The following NBPF3 variants were observed in gnomAD, a reference collection of about 807,000 sequenced individuals.
The protein encoded by NBPF3 is NBPF family member NBPF3.
Under a neutral mutation model 78.1 loss-of-function variants are expected in NBPF3, and 57 were observed. The ratio of observed to expected loss-of-function variants is 0.73; its 90% CI spans 0.59 to 0.91. The LOEUF (loss-of-function observed/expected upper bound fraction) is 0.91. Ranked by LOEUF, NBPF3 falls within the 40% of genes least tolerant of loss-of-function variation. The pLI is 0.00. For synonymous variants in NBPF3, 182 were observed against 271.7 expected, an observed-to-expected ratio of 0.67 and a Z score of 3.25; for missense variants, 510 against 715.3, an observed-to-expected ratio of 0.71 and a Z score of 3.27.
intron 1 of NBPF3, among the ~76,000 whole-genome samples, chr1:21,443,775 GGCTA>G (rs1640804070): frequency 6.6e-6 from 1 of 152,028 alleles, no homozygotes; most frequent in Non-Finnish European, 1.5e-5. Context: ...CACTATGCCT[GGCTA>G]ATTTTCTCCT....
rs560737513 is a variant in NBPF3, at chr1:21,448,099, T to C, written c.133+2880T>C. Among the ~76,000 whole-genome samples the C allele has an allele frequency of 9.8e-5, 15 of 152,320 alleles. No homozygotes were observed. In the South Asian group the frequency reaches 1.7e-3, roughly 17 times the overall value. ...TCTGTGACTTGCTTTTTCCATTCTC[T>C]TGACAGTGTCTTTCACAGAGCAGAA... is the stretch of plus-strand genomic sequence containing the variant. On this transcript the variant is annotated intron_variant, in intron 2 of 14. Transcript: ENST00000318249.
intron 5 of NBPF3, among the ~76,000 whole-genome samples, chr1:21,472,454 G>A (rs1642653269): frequency 6.6e-6 from 1 of 152,206 alleles, no homozygotes; most frequent in African/African-American, 2.4e-5. Flanking sequence ...GGACTGTAGG[G>A]CAAGTTTGTC....
At position 21,470,748 on chromosome 1, in the gene NBPF3, C is replaced by A; in HGVS notation, c.446+14C>A. On this transcript the variant is annotated intron_variant, in intron 4 of 14. Transcript: ENST00000318249. The stretch of plus-strand genomic sequence containing the variant: ...TGAGGAGCTCAGGTGAGTGGGCCCC[C>A]TGGGGTCAGGCAGGTGGGCAGGTGT... 6.3e-7 allele frequency: 1 copy of A among 1,578,580 alleles called. No individual in the cohort carries two copies. The highest frequency in any genetic ancestry group is 8.7e-7 in the Non-Finnish European group (1 of 1,153,520).
chr1:21,465,983 C>G (rs1214158605), intron 2 of NBPF3: 2 of 307,086 alleles, frequency 6.5e-6, no homozygotes, highest in African/African-American at 4.5e-5. Context: ...TTTAGGACAC[C>G]ACTGGAATAT....
Position 21,483,529 on chromosome 1 carries a change from A to T in NBPF3, c.*143A>T, listed in dbSNP as rs200969812. On this transcript the variant is annotated 3_prime_UTR_variant, in exon 15 of 15. Coordinates refer to ENST00000318249, the MANE Select transcript of NBPF3 (RefSeq NM_032264.6). ...ATGGCTCTATTCCTATTCTCAGACC[A>T]TGCCAGTGGCCACCTGTGCTCAGTC... 98,488 of 233,656 alleles carry T rather than the reference A, an allele frequency of 0.42. 33,395 individuals are homozygous for T. The highest frequency in any genetic ancestry group is 0.81 in the South Asian group (18,170 of 22,398). 14.5% of individuals were successfully genotyped at this position (233,656 alleles called of 1,614,324 possible).
At chr1:21,454,375 G>A (rs1391447265) in intron 2 of NBPF3, 1 of 152,158 alleles carries the variant, frequency 6.6e-6, no homozygotes, top group Non-Finnish European at 1.5e-5. Flanking sequence ...CAGTATAGGG[G>A]GAATTTATAA....
At chr1:21,469,982 T>G (rs1012932865) in intron 3 of NBPF3, among the ~76,000 whole-genome samples, 1 of 151,264 alleles carries the variant, frequency 6.6e-6, no homozygotes, top group African/African-American at 2.4e-5. Context: ...CATGAGCTGT[T>G]TCTTGTCAAT....
chr1:21,451,598 G>C (rs1179637713), intron 2 of NBPF3, among the ~76,000 whole-genome samples: 1 of 152,208 alleles, frequency 6.6e-6, no homozygotes, highest in Non-Finnish European at 1.5e-5. Context: ...ATTCAGGAAG[G>C]AGGTTAATCA....
intron 2 of NBPF3, among the ~76,000 whole-genome samples, chr1:21,467,497 C>T (rs995893779): frequency 1.4e-4 from 22 of 152,160 alleles, no homozygotes; most frequent in Admixed American, 9.2e-4. Context: ...ACCAACCAAC[C>T]GTGACCATAA....
intron 1 of NBPF3, among the ~76,000 whole-genome samples, chr1:21,440,612 G>A (rs1640580700): frequency 6.6e-6 from 1 of 152,286 alleles, no homozygotes; most frequent in African/African-American, 2.4e-5. Flanking sequence ...GGGGGTGGAG[G>A]GACGGAGCAG....
chr1:21,450,849 C>T (rs1457170849), intron 2 of NBPF3, among the ~76,000 whole-genome samples: 3 of 152,144 alleles, frequency 2.0e-5, no homozygotes, highest in Non-Finnish European at 2.9e-5. Context: ...CTGCCCCTAA[C>T]GTGAAATGAC....
chr1:21,479,551 G>A (rs1643068376), intron 10 of NBPF3, 151 bp downstream of exon 10: 3 of 763,096 alleles, frequency 3.9e-6, no homozygotes, highest in Non-Finnish European at 6.9e-6. Flanking sequence ...TCTCATTACA[G>A]TAAATGTTTA....
chr1:21,470,480 G>T, intron 3 of NBPF3, 152 bp from the exon 4 acceptor site: 1 of 516,694 alleles, frequency 1.9e-6, no homozygotes, highest in Non-Finnish European at 3.6e-6. Flanking sequence ...TAAGTCGGGA[G>T]ACTGAAGAGT....
intron 2 of NBPF3, among the ~76,000 whole-genome samples, chr1:21,454,964 C>G (rs923644904): frequency 7.9e-5 from 12 of 152,200 alleles, no homozygotes; most frequent in Non-Finnish European, 1.8e-4. Context: ...GAAGAACATC[C>G]TCTCAAGTTT....
At position 21,478,189 on chromosome 1, in the gene NBPF3, G is replaced by C. The variant is rs1451802599; in HGVS notation, c.1038G>C (p.Trp346Cys). 3.1e-6 allele frequency: 5 copies of C among 1,614,000 alleles called. No homozygotes were observed. In the African/African-American group the frequency reaches 6.7e-5, roughly 22 times the overall value. ...SEEEEAPQES[W>C]DEGDWTLSIP... ...AGGAGGAAGCCCCCCAGGAGTCCTGGGATGAAGGTGATTGGACTCTCTCAA... is the reference window on the plus strand; with the variant it reads ...AGGAGGAAGCCCCCCAGGAGTCCTGCGATGAAGGTGATTGGACTCTCTCAA... The change falls in exon 9 of 15, where the codon TGG becomes TGC. Residue 346 changes from tryptophan to cysteine, a missense_variant. Physicochemically the swap from Trp to Cys is radical, Grantham distance 215. This residue lies in a region of NBPF3 where 440 missense variants were observed against 478.2 expected (regional missense o/e 0.92). Transcript: ENST00000318249.
intron 8 of NBPF3, 92 bp downstream of exon 8, chr1:21,475,043 T>C: frequency 9.1e-7 from 1 of 1,099,406 alleles, no homozygotes; most frequent in Non-Finnish European, 1.4e-6. Context: ...ATAGAACTTT[T>C]TATTCCATTC....
intron 2 of NBPF3, among the ~76,000 whole-genome samples, chr1:21,458,774 CA>C (rs1377886313): frequency 6.6e-6 from 1 of 152,170 alleles, no homozygotes; most frequent in Non-Finnish European, 1.5e-5. Context: ...TGATGAACTG[CA>C]AAGGGGTACA....
intron 2 of NBPF3, among the ~76,000 whole-genome samples, chr1:21,459,053 A>G (rs752028537): frequency 1.3e-5 from 2 of 152,232 alleles, no homozygotes; most frequent in African/African-American, 2.4e-5. Flanking sequence ...AAGCGGGTAC[A>G]AGGCCCGTAA....
intron 6 of NBPF3, 34 bp from the exon 7 acceptor site, chr1:21,473,346 T>A: frequency 1.2e-6 from 2 of 1,605,084 alleles, no homozygotes; most frequent in Non-Finnish European, 1.7e-6. Flanking sequence ...CTGTGTTTAG[T>A]CTTCTGTCAT....
Sources: gnomAD v4.1 joint callset for allele counts (sites outside exome capture counted in the v4.1 genomes callset) on GRCh38, gnomAD v4.1.1 for gene constraint, gnomAD v4.1.1 regional missense constraint, MANE v1.5 for transcripts, NCBI Gene and HGNC (gene_info 2026-07-23, HGNC 2026-07-21) for gene names.